Variants in PAX5 observed in about 807,000 individuals in gnomAD.
PAX5 encodes paired box 5, also known as paired box protein Pax-5.
PAX5 carries 9 observed loss-of-function variants against 43.7 expected under a neutral mutation model. The observed-to-expected ratio is 0.21, with a 90% confidence interval of 0.12 to 0.36. The LOEUF is 0.36. Among genes scored for constraint, PAX5 ranks in the 10% least tolerant of loss-of-function variants. The pLI is 1.00. For missense variants in PAX5, 383 were observed against 532.7 expected (o/e 0.72, Z 2.77); for synonymous variants, 228 against 214.3 (o/e 1.06, Z -0.56).
intron 1 of PAX5, among the ~76,000 whole-genome samples, chr9:37,022,330 C>T (rs7039189): frequency 1.5e-3 from 232 of 152,294 alleles, no homozygotes; most frequent in African/African-American, 5.1e-3. Flanking sequence ...AACATAATTG[C>T]ATAGTTTTTC....
intron 4 of PAX5, among the ~76,000 whole-genome samples, chr9:37,005,864 A>T (rs1838340304): frequency 6.6e-6 from 1 of 152,204 alleles, no homozygotes; most frequent in African/African-American, 2.4e-5. Context: ...GACAAAGGAC[A>T]TTTCTGAACT....
intron 5 of PAX5, among the ~76,000 whole-genome samples, chr9:36,970,345 G>T (rs1011062056): frequency 6.6e-6 from 1 of 152,052 alleles, no homozygotes; most frequent in Non-Finnish European, 1.5e-5. Context: ...CTGAGAGAAG[G>T]GGGTGAAAGG....
chr9:36,953,843 C>A (rs998814158), intron 6 of PAX5, among the ~76,000 whole-genome samples: 3 of 152,112 alleles, frequency 2.0e-5, no homozygotes, highest in African/African-American at 7.2e-5. Context: ...GGGGCCAAGG[C>A]AGGTTGATTA....
chr9:36,862,350 C>T (rs1824301416), intron 8 of PAX5, among the ~76,000 whole-genome samples: 1 of 152,120 alleles, frequency 6.6e-6, no homozygotes, highest in Non-Finnish European at 1.5e-5. Context: ...GTCAATTCTC[C>T]CGCCCGCAGC....
chr9:36,954,235 G>T (rs1322970214), intron 6 of PAX5, among the ~76,000 whole-genome samples: 1 of 152,036 alleles, frequency 6.6e-6, no homozygotes, highest in African/African-American at 2.4e-5. Context: ...TGTTAATCTG[G>T]CAGATCTCAG....
chr9:36,906,557 C>A (rs968687658), intron 7 of PAX5, among the ~76,000 whole-genome samples: 1 of 152,216 alleles, frequency 6.6e-6, no homozygotes, highest in Non-Finnish European at 1.5e-5. Context: ...CAGAACTTTA[C>A]AATAATACAT....
intron 7 of PAX5, among the ~76,000 whole-genome samples, chr9:36,911,015 C>T (rs1037513114): frequency 6.6e-6 from 1 of 152,124 alleles, no homozygotes; most frequent in Non-Finnish European, 1.5e-5. Flanking sequence ...CCCCGAGCTC[C>T]CCACAAAGCT....
intron 6 of PAX5, among the ~76,000 whole-genome samples, chr9:36,933,855 C>G (rs1222795945): frequency 6.6e-6 from 1 of 152,186 alleles, no homozygotes; most frequent in Non-Finnish European, 1.5e-5. Flanking sequence ...CAGGGCCAGA[C>G]CCTCCCCTTG....
At position 36,882,174 on chromosome 9, in the gene PAX5, C is replaced by A; in HGVS notation, c.911-69G>T. The A allele has an allele frequency of 3.2e-6, 4 of 1,254,156 alleles. No homozygotes were observed. The highest frequency in any genetic ancestry group is 2.4e-5 in the East Asian group (1 of 41,108). The allele number at this position is 1,254,156 out of a possible 1,614,324, so 77.7% of individuals were successfully genotyped here. ...GCCAGCCGCTCATGTCCACAGCTCC[C>A]TGGACGCTTCTGCACATTTGTCACG... On this transcript the variant is annotated intron_variant, in intron 7 of 9. Coordinates refer to ENST00000358127, the MANE Select transcript of PAX5 (RefSeq NM_016734.3). The surrounding 1 kb of genome is among the most constrained non-coding windows in gnomAD (Gnocchi z 4.4).
At position 36,951,700 on chromosome 9, in the gene PAX5, A is replaced by G. The variant is rs7864762; in HGVS notation, c.780+14849T>C. On this transcript the variant is annotated intron_variant, in intron 6 of 9. Coordinates refer to ENST00000358127, the MANE Select transcript of PAX5 (RefSeq NM_016734.3). ...CAAATCCAATCTATTTATCGAGACT[A>G]CTCAAATATTTTTATTTATTTCTAT... Among the ~76,000 whole-genome samples, 645 of 152,192 alleles carry G rather than the reference A, an allele frequency of 4.2e-3. 3 individuals carry two copies. The highest frequency in any genetic ancestry group is 0.015 in the African/African-American group (621 of 41,520).
At chr9:36,902,990 T>G (rs1219554516) in intron 7 of PAX5, among the ~76,000 whole-genome samples, 2 of 152,176 alleles carry the variant, frequency 1.3e-5, no homozygotes, top group African/African-American at 4.8e-5. Context: ...TCACACCTGC[T>G]GGCCTGCCCC....
intron 7 of PAX5, among the ~76,000 whole-genome samples, chr9:36,901,684 C>G (rs970699330): frequency 3.3e-5 from 5 of 152,100 alleles, no homozygotes; most frequent in Admixed American, 2.0e-4. Flanking sequence ...CGACCCCACG[C>G]CCTAAACACC....
chr9:37,008,336 G>C (rs1013552295), intron 3 of PAX5, among the ~76,000 whole-genome samples: 3 of 152,232 alleles, frequency 2.0e-5, no homozygotes, highest in Non-Finnish European at 4.4e-5. Context: ...TTACAGGCGT[G>C]AGCCACCGCA....
rs188164406 is a variant in PAX5 at position 37,002,502 on chromosome 9, G to A, written c.604+146C>T. On this transcript the variant is annotated intron_variant, in intron 5 of 9. Transcript: ENST00000358127. ...GGGCTCAGCCCTTTCCCGTGTTCAC[G>A]AAAAGGACAGCGTGCGGGCCGGGGG... 40 of 832,910 alleles carry A rather than the reference G, an allele frequency of 4.8e-5. No individual in the cohort carries two copies. The East Asian group carries it at 1.1e-3, about 23-fold the overall frequency. The allele number at this position is 832,910 out of a possible 1,614,324, so 51.6% of individuals were successfully genotyped here. A position where few individuals can be genotyped will look rare whatever the true frequency, so the allele number is the denominator to read the frequency against.
intron 8 of PAX5, among the ~76,000 whole-genome samples, chr9:36,868,478 G>A (rs900367317): frequency 2.6e-5 from 4 of 152,154 alleles, no homozygotes; most frequent in African/African-American, 9.7e-5. Context: ...CTGCGGTGGG[G>A]GGCTTCCTGT....
chr9:36,946,925 G>T (rs530686286), intron 6 of PAX5, among the ~76,000 whole-genome samples: 133 of 152,268 alleles, frequency 8.7e-4, no homozygotes, highest in African/African-American at 3.1e-3. Flanking sequence ...GGCCAAAACA[G>T]GAGGGAAGTG....
chr9:36,898,587 C>A (rs995601426), intron 7 of PAX5, among the ~76,000 whole-genome samples: 1 of 152,194 alleles, frequency 6.6e-6, no homozygotes, highest in Non-Finnish European at 1.5e-5. Context: ...AGCTTCTTGA[C>A]GGGAAATGCT....
Position 36,969,361 on chromosome 9 carries a change from C to G in PAX5, c.605-2637G>C, listed in dbSNP as rs1188963977. 2.0e-5 allele frequency among the ~76,000 whole-genome samples: 3 copies of G among 152,160 alleles called. No homozygotes were observed. In the East Asian group the frequency reaches 5.8e-4, roughly 29 times the overall value. The stretch of plus-strand genomic sequence containing the variant: ...AGAGGAGTCCTCAGGCTTGATCCCT[C>G]TCCCCCGGGACTCATGGGCCAGGCT... On this transcript the variant is annotated intron_variant, in intron 5 of 9. Transcript: ENST00000358127.
At chr9:37,025,308 G>T in intron 1 of PAX5, among the ~76,000 whole-genome samples, 1 of 152,284 alleles carries the variant, frequency 6.6e-6, no homozygotes, top group South Asian at 2.1e-4. Context: ...GCACTGCGTG[G>T]CAGACACGGA....
Sources: gnomAD v4.1 joint callset for allele counts (sites outside exome capture counted in the v4.1 genomes callset) on GRCh38, gnomAD v4.1.1 for gene constraint, Gnocchi (gnomAD v3.1) non-coding constraint, MANE v1.5 for transcripts, NCBI Gene and HGNC (gene_info 2026-07-23, HGNC 2026-07-21) for gene names.